SHISA9: variants seen among roughly 807,000 people sequenced by gnomAD.
SHISA9 encodes the protein shisa family member 9.
In SHISA9, 13 loss-of-function variants were observed where a neutral mutation model predicts 38.0. The observed-to-expected ratio is 0.34, with a 90% CI of 0.22 to 0.54. SHISA9 has a LOEUF of 0.54. Ranked by LOEUF, SHISA9 falls within the 20% of genes least tolerant of loss-of-function variation. The pLI is 0.91. For synonymous variants in SHISA9, 275 were observed against 242.0 expected, an observed-to-expected ratio of 1.14 and a Z score of -1.27; for missense variants, 538 against 575.8, an observed-to-expected ratio of 0.93 and a Z score of 0.67.
At chr16:13,230,140 T>C (rs2051317638) in intron 4 of SHISA9, among the ~76,000 whole-genome samples, 1 of 152,100 alleles carries the variant, frequency 6.6e-6, no homozygotes, top group African/African-American at 2.4e-5. Flanking sequence ...AGAAGGCAGG[T>C]TGGTTTGGAT....
chr16:13,047,485 A>G (rs1245235159), intron 2 of SHISA9, among the ~76,000 whole-genome samples: 1 of 152,182 alleles, frequency 6.6e-6, no homozygotes, highest in East Asian at 1.9e-4. Flanking sequence ...GAAGTTTGCA[A>G]TCTGTCTGCT....
intron 2 of SHISA9, among the ~76,000 whole-genome samples, chr16:13,036,884 A>G (rs190316918): frequency 1.0e-3 from 159 of 152,258 alleles, no homozygotes; most frequent in Non-Finnish European, 1.7e-3. Context: ...AAACCCTTTA[A>G]TAAATGCCTA....
the SHISA9 span, among the ~76,000 whole-genome samples, chr16:13,382,073 T>A: frequency 6.6e-6 from 1 of 152,172 alleles, no homozygotes; most frequent in African/African-American, 2.4e-5. Context: ...AGGGACGGTA[T>A]GGGTAAACAG....
chr16:13,172,627 A>T (rs2050696205), intron 2 of SHISA9, among the ~76,000 whole-genome samples: 1 of 152,104 alleles, frequency 6.6e-6, no homozygotes, highest in Admixed American at 6.5e-5. Flanking sequence ...TGGCAAGAAG[A>T]GCCGTCGTTG....
the SHISA9 span, among the ~76,000 whole-genome samples, chr16:13,361,879 G>A: frequency 7.2e-5 from 11 of 152,116 alleles, no homozygotes; most frequent in African/African-American, 2.7e-4. Context: ...TCCACTATGT[G>A]TATTATCATT....
At chr16:13,116,256 G>A (rs2074029976) in intron 2 of SHISA9, among the ~76,000 whole-genome samples, 1 of 152,146 alleles carries the variant, frequency 6.6e-6, no homozygotes, top group South Asian at 2.1e-4. Context: ...TGGCATGGGG[G>A]CATTAGGAGT....
intron 2 of SHISA9, among the ~76,000 whole-genome samples, chr16:13,126,867 A>T (rs2050262658): frequency 7.8e-6 from 1 of 128,682 alleles, no homozygotes; most frequent in Admixed American, 7.9e-5. Flanking sequence ...GAGAGAGCTG[A>T]GGGAAGAAGA....
intron 3 of SHISA9, among the ~76,000 whole-genome samples, chr16:13,207,863 T>A (rs74854989): frequency 0.019 from 2,955 of 152,328 alleles, 46 homozygotes; most frequent in Non-Finnish European, 0.03. Context: ...AGGAGAGAAG[T>A]TGTTTAAAAA....
At chr16:13,384,576 G>A in the SHISA9 span, among the ~76,000 whole-genome samples, 4 of 152,150 alleles carry the variant, frequency 2.6e-5, no homozygotes, top group African/African-American at 7.2e-5. Flanking sequence ...TGGTACTCTG[G>A]ACCTCAGGCT....
At chr16:12,936,137 T>C (rs2071529964) in intron 2 of SHISA9, among the ~76,000 whole-genome samples, 1 of 152,094 alleles carries the variant, frequency 6.6e-6, no homozygotes, top group Non-Finnish European at 1.5e-5. Flanking sequence ...TAGCAGGTGC[T>C]TCGTTGGGTT....
the SHISA9 span, among the ~76,000 whole-genome samples, chr16:13,540,371 G>C: frequency 6.6e-6 from 1 of 152,130 alleles, no homozygotes; most frequent in African/African-American, 2.4e-5. Flanking sequence ...CGATTTGGCA[G>C]GCTAGAAGTG....
At chr16:12,975,388 C>T (rs1042550665) in intron 2 of SHISA9, among the ~76,000 whole-genome samples, 2 of 151,996 alleles carry the variant, frequency 1.3e-5, no homozygotes, top group African/African-American at 4.8e-5. Context: ...CCTGTAATCC[C>T]AGCTACTCAG....
intron 2 of SHISA9, among the ~76,000 whole-genome samples, chr16:13,115,427 G>A (rs2074022358): frequency 2.0e-5 from 3 of 152,226 alleles, no homozygotes; most frequent in Admixed American, 2.0e-4. Context: ...GAAGGGATGG[G>A]CCGAATTAAT....
chr16:13,320,771 A>G, the SHISA9 span, among the ~76,000 whole-genome samples: 1 of 152,230 alleles, frequency 6.6e-6, no homozygotes, highest in Non-Finnish European at 1.5e-5. Flanking sequence ...ATTTGGCAAA[A>G]GCACTGAAAG....
chr16:13,020,451 A>G (rs1238408037), intron 2 of SHISA9, among the ~76,000 whole-genome samples: 1 of 152,156 alleles, frequency 6.6e-6, no homozygotes, highest in African/African-American at 2.4e-5. Context: ...GTAAGTGAGA[A>G]CATGCGGTAT....
chr16:13,473,603 C>A, the SHISA9 span, among the ~76,000 whole-genome samples: 1 of 152,138 alleles, frequency 6.6e-6, no homozygotes, highest in Non-Finnish European at 1.5e-5. Flanking sequence ...GTCACACCAA[C>A]ACTCTTCATT....
the SHISA9 span, among the ~76,000 whole-genome samples, chr16:13,415,732 A>G: frequency 6.6e-6 from 1 of 152,190 alleles, no homozygotes; most frequent in Non-Finnish European, 1.5e-5. Flanking sequence ...TATGGATATG[A>G]TTATTTTACT....
At chr16:13,280,040 A>T in the SHISA9 span, among the ~76,000 whole-genome samples, 7 of 151,530 alleles carry the variant, frequency 4.6e-5, no homozygotes, top group Non-Finnish European at 1.0e-4. Flanking sequence ...ACTCTGCTTT[A>T]AATATTCATG....
intron 2 of SHISA9, among the ~76,000 whole-genome samples, chr16:13,033,685 G>T (rs986399818): frequency 6.6e-6 from 1 of 152,138 alleles, no homozygotes; most frequent in Non-Finnish European, 1.5e-5. Context: ...ATGTCCTTGG[G>T]TTGGGAGACC....
Sources: allele counts gnomAD v4.1 joint callset (sites outside exome capture counted in the v4.1 genomes callset), GRCh38; gene constraint gnomAD v4.1.1; transcripts MANE v1.5; gene names NCBI Gene and HGNC (gene_info 2026-07-23, HGNC 2026-07-21).